Variants in CNTN4 observed in about 807,000 individuals in gnomAD.
The protein encoded by CNTN4 is contactin 4, also known as contactin-4.
CNTN4 carries 77 observed loss-of-function variants against 122.5 expected under a neutral mutation model. The ratio of observed to expected loss-of-function variants is 0.63; its 90% CI spans 0.52 to 0.76. The LOEUF (loss-of-function observed/expected upper bound fraction) is 0.76. Ranked by LOEUF, CNTN4 falls within the 30% of genes least tolerant of loss-of-function variation. The pLI, the probability that CNTN4 is intolerant of heterozygous loss-of-function variation, is 0.00. For synonymous variants in CNTN4, 512 were observed against 447.0 expected (o/e 1.15, Z -1.83); for missense variants, 1,256 against 1,259.1 (o/e 1.00, Z 0.04).
chr3:2,191,766 A>G (rs1240963875), intron 2 of CNTN4, among the ~76,000 whole-genome samples: 2 of 152,042 alleles, frequency 1.3e-5, no homozygotes, highest in Non-Finnish European at 2.9e-5. Context: ...GTTCTAGGGT[A>G]CATGTGCACA....
chr3:2,791,268 G>A (rs899566034), intron 6 of CNTN4, among the ~76,000 whole-genome samples: 11 of 152,190 alleles, frequency 7.2e-5, no homozygotes, highest in Non-Finnish European at 1.2e-4. Context: ...ATGGCGGCTC[G>A]CACCTGTAAT....
rs531375647 is a variant in CNTN4, at chr3:2,628,069, A to G, written c.55+56511A>G. ...GCTGAACTGGCTTCTATAGCTAGACATATTTCCCCTTTTGGGCTAGTGAGT... is the reference window on the plus strand; with the variant it reads ...GCTGAACTGGCTTCTATAGCTAGACGTATTTCCCCTTTTGGGCTAGTGAGT... On this transcript the variant is annotated intron_variant, in intron 4 of 24. Coordinates refer to ENST00000418658, the MANE Select transcript of CNTN4 (RefSeq NM_175607.3). 2.6e-4 allele frequency among the ~76,000 whole-genome samples: 39 copies of G among 152,260 alleles called. No homozygotes were observed. In the South Asian group the frequency reaches 5.4e-3, roughly 21 times the overall value.
intron 4 of CNTN4, among the ~76,000 whole-genome samples, chr3:2,647,362 C>T (rs531334142): frequency 8.6e-5 from 13 of 151,150 alleles, no homozygotes; most frequent in South Asian, 8.4e-4. Flanking sequence ...GCCTGGGCAA[C>T]GAGAGCGAAA....
At chr3:2,331,737 C>G (rs944768833) in intron 2 of CNTN4, among the ~76,000 whole-genome samples, 1 of 152,204 alleles carries the variant, frequency 6.6e-6, no homozygotes, top group Non-Finnish European at 1.5e-5. Flanking sequence ...TCTATTGGAA[C>G]TCAGGCCACA....
intron 4 of CNTN4, among the ~76,000 whole-genome samples, chr3:2,667,533 C>T (rs1464098716): frequency 6.6e-6 from 1 of 152,070 alleles, no homozygotes; most frequent in Non-Finnish European, 1.5e-5. Flanking sequence ...TTCTCCCATT[C>T]TGTAGGTTCC....
chr3:2,267,584 A>C (rs2041103793), intron 2 of CNTN4, among the ~76,000 whole-genome samples: 1 of 152,068 alleles, frequency 6.6e-6, no homozygotes, highest in Non-Finnish European at 1.5e-5. Context: ...GAAAGTGACA[A>C]TTTGAAAGCA....
chr3:2,991,691 A>G (rs1695066266), intron 14 of CNTN4, among the ~76,000 whole-genome samples: 1 of 152,174 alleles, frequency 6.6e-6, no homozygotes. Flanking sequence ...TCTGCCCCAT[A>G]AAGCACGATA....
chr3:2,529,460 T>A (rs2077516589), intron 3 of CNTN4, among the ~76,000 whole-genome samples: 1 of 152,192 alleles, frequency 6.6e-6, no homozygotes, highest in Non-Finnish European at 1.5e-5. Context: ...TTCCTTCAGA[T>A]ATATACCCAG....
chr3:2,130,211 A>G (rs2125273286), intron 2 of CNTN4, among the ~76,000 whole-genome samples: 1 of 152,192 alleles, frequency 6.6e-6, no homozygotes, highest in East Asian at 1.9e-4. Context: ...GAGTCTCAGG[A>G]TTTTTCTTCT....
intron 3 of CNTN4, among the ~76,000 whole-genome samples, chr3:2,363,257 G>T (rs1355143302): frequency 2.6e-5 from 4 of 152,184 alleles, no homozygotes; most frequent in African/African-American, 9.6e-5. Flanking sequence ...TAATGGGAGG[G>T]AAGTAACATT....
intron 3 of CNTN4, among the ~76,000 whole-genome samples, chr3:2,438,661 A>G (rs550443712): frequency 1.1e-3 from 166 of 152,344 alleles, no homozygotes; most frequent in African/African-American, 3.9e-3. Context: ...TAACAGGCAG[A>G]AAGTCATGAC....
chr3:2,601,043 G>C (rs2081021000), intron 4 of CNTN4, among the ~76,000 whole-genome samples: 1 of 152,162 alleles, frequency 6.6e-6, no homozygotes, highest in South Asian at 2.1e-4. Context: ...CTTTTTGATG[G>C]GGTTGTTGTA....
chr3:2,390,046 T>A (rs890092617), intron 3 of CNTN4, among the ~76,000 whole-genome samples: 23 of 152,142 alleles, frequency 1.5e-4, no homozygotes, highest in African/African-American at 5.3e-4. Context: ...TGGAAAAATA[T>A]GAATAGGGTG....
chr3:2,760,567 C>G (rs2090543085), intron 6 of CNTN4, among the ~76,000 whole-genome samples: 1 of 152,144 alleles, frequency 6.6e-6, no homozygotes, highest in Non-Finnish European at 1.5e-5. Context: ...AGGCCAGTAC[C>G]ACACTGTGTT....
chr3:2,410,551 A>C lies in CNTN4; in HGVS notation c.-89+71318A>C, dbSNP rs143891097. Among the ~76,000 whole-genome samples the C allele has an allele frequency of 8.2e-3, 1,255 of 152,292 alleles. 17 individuals carry two copies. Among genetic ancestry groups the C allele is most frequent in the African/African-American group, 0.029 (1,199 of 41,570 alleles). Reference sequence around the variant, plus strand: ...GATATTTGAAGATAACTTTTTTATTATCCTATTTTCATATTCTGTCTCATA... The same window carrying C: ...GATATTTGAAGATAACTTTTTTATTCTCCTATTTTCATATTCTGTCTCATA... On this transcript the variant is annotated intron_variant, in intron 3 of 24. Transcript: ENST00000418658.
In CNTN4 at chr3:3,057,840, G is replaced by C. The variant is rs1701909488; in HGVS notation, c.*1620G>C. The C allele has an allele frequency of 6.6e-6, 1 of 152,088 alleles. No individual in the cohort carries two copies. The highest frequency in any genetic ancestry group is 2.4e-5 in the African/African-American group (1 of 41,308). 9.4% of individuals were successfully genotyped at this position (152,088 alleles called of 1,614,324 possible). A position where few individuals can be genotyped will look rare whatever the true frequency, so the allele number is the denominator to read the frequency against. ...AAAAAAATCAGCAAAATAATAAAATGAACGAAAAAAAATGACACCCAGGGA... is the reference window on the plus strand; with the variant it reads ...AAAAAAATCAGCAAAATAATAAAATCAACGAAAAAAAATGACACCCAGGGA... On this transcript the variant is annotated 3_prime_UTR_variant, in exon 25 of 25. Transcript: ENST00000418658.
At chr3:2,575,900 C>G (rs2079648916) in intron 4 of CNTN4, among the ~76,000 whole-genome samples, 1 of 149,574 alleles carries the variant, frequency 6.7e-6, no homozygotes, top group Admixed American at 6.7e-5. Context: ...CGGCTCACTG[C>G]AAGCTCCACC....
chr3:2,839,047 T>C (rs2093293826), intron 7 of CNTN4, among the ~76,000 whole-genome samples: 1 of 152,138 alleles, frequency 6.6e-6, no homozygotes, highest in Non-Finnish European at 1.5e-5. Context: ...CTCCTTCCTC[T>C]AGCTTGGTGA....
intron 3 of CNTN4, among the ~76,000 whole-genome samples, chr3:2,473,743 T>A (rs1036918426): frequency 2.0e-5 from 3 of 152,114 alleles, no homozygotes; most frequent in Non-Finnish European, 4.4e-5. Flanking sequence ...CCAGGCGCGG[T>A]GGCTCATGAC....
Sources: allele counts gnomAD v4.1 joint callset (sites outside exome capture counted in the v4.1 genomes callset), GRCh38; gene constraint gnomAD v4.1.1; transcripts MANE v1.5; gene names NCBI Gene and HGNC (gene_info 2026-07-23, HGNC 2026-07-21).